The following TENM4 variants were observed in gnomAD, a reference collection of about 807,000 sequenced individuals.
The protein encoded by TENM4 is teneurin transmembrane protein 4.
TENM4 carries 82 observed loss-of-function variants against 243.3 expected under a neutral mutation model. The ratio of observed to expected loss-of-function variants is 0.34; its 90% CI spans 0.28 to 0.40. The LOEUF is 0.40. Ranked by LOEUF, TENM4 falls within the 10% of genes least tolerant of loss-of-function variation. The probability of loss-of-function intolerance (pLI) is 1.00; values close to 1 mark genes in which losing one functional copy is unlikely to be tolerated. For missense variants in TENM4, 3,138 were observed against 3,673.3 expected, an observed-to-expected ratio of 0.85 and a Z score of 3.77; for synonymous variants, 1,412 against 1,456.3, an observed-to-expected ratio of 0.97 and a Z score of 0.69.
chr11:78,770,817 A>G (rs888211423), intron 18 of TENM4, among the ~76,000 whole-genome samples, 175 bp downstream of exon 18: 1 of 152,204 alleles, frequency 6.6e-6, no homozygotes, highest in African/African-American at 2.4e-5. Flanking sequence ...CAAATGGAAC[A>G]CCTGTGATAT....
chr11:79,382,421 C>T (rs890204183), intron 1 of TENM4, among the ~76,000 whole-genome samples: 1 of 152,192 alleles, frequency 6.6e-6, no homozygotes, highest in Non-Finnish European at 1.5e-5. Context: ...TACTTATGTA[C>T]ATGCCACTCT....
chr11:78,978,736 A>G (rs73502658), intron 6 of TENM4, among the ~76,000 whole-genome samples: 3,974 of 151,920 alleles, frequency 0.026, 96 homozygotes, highest in African/African-American at 0.063. Flanking sequence ...TAACCAAAAA[A>G]GCTTATCTGG....
intron 2 of TENM4, among the ~76,000 whole-genome samples, chr11:79,261,860 G>A (rs947694860): frequency 6.6e-6 from 1 of 152,146 alleles, no homozygotes; most frequent in Non-Finnish European, 1.5e-5. Flanking sequence ...TCCAAAGAAA[G>A]ATGTTATGCT....
intron 6 of TENM4, among the ~76,000 whole-genome samples, chr11:79,032,749 C>T (rs1859279357): frequency 1.3e-5 from 2 of 152,158 alleles, no homozygotes; most frequent in South Asian, 4.1e-4. Flanking sequence ...CAAAGAACAA[C>T]ATGACTTTAA....
intron 6 of TENM4, among the ~76,000 whole-genome samples, chr11:79,061,387 C>A (rs1253830145): frequency 6.6e-6 from 1 of 152,152 alleles, no homozygotes; most frequent in African/African-American, 2.4e-5. Flanking sequence ...CATCTGCCTA[C>A]CTCCTCTGCC....
intron 15 of TENM4, among the ~76,000 whole-genome samples, chr11:78,797,550 A>G (rs989749734): frequency 2.0e-5 from 3 of 152,226 alleles, no homozygotes; most frequent in Non-Finnish European, 4.4e-5. Flanking sequence ...TAAATTACAA[A>G]TCTGCCAGCT....
intron 1 of TENM4, among the ~76,000 whole-genome samples, chr11:79,314,888 C>T (rs767078722): frequency 6.6e-6 from 1 of 152,178 alleles, no homozygotes; most frequent in African/African-American, 2.4e-5. Context: ...CTGTGTGAGG[C>T]CTGGGTTTCA....
At chr11:79,056,356 G>C (rs1303018914) in intron 6 of TENM4, among the ~76,000 whole-genome samples, 1 of 152,050 alleles carries the variant, frequency 6.6e-6, no homozygotes, top group Non-Finnish European at 1.5e-5. Context: ...GAAGCAAGGT[G>C]CTGTTGTGTT....
intron 3 of TENM4, among the ~76,000 whole-genome samples, chr11:79,203,740 G>A (rs956538906): frequency 1.3e-5 from 2 of 152,136 alleles, no homozygotes; most frequent in Non-Finnish European, 2.9e-5. Flanking sequence ...ATCTGCAGTT[G>A]GTTGAATTCA....
chr11:78,938,369 C>A (rs1856828752), intron 6 of TENM4, among the ~76,000 whole-genome samples: 1 of 152,240 alleles, frequency 6.6e-6, no homozygotes, highest in East Asian at 1.9e-4. Context: ...TAACATCCAG[C>A]CTTTTCCAAA....
chr11:78,927,755 C>T (rs1442721535), intron 6 of TENM4, among the ~76,000 whole-genome samples: 2 of 152,194 alleles, frequency 1.3e-5, no homozygotes, highest in Non-Finnish European at 2.9e-5. Context: ...TCCTTCAAGT[C>T]AGGAACCATG....
At chr11:78,936,837 G>T (rs1856796551) in intron 6 of TENM4, among the ~76,000 whole-genome samples, 1 of 152,162 alleles carries the variant, frequency 6.6e-6, no homozygotes, top group South Asian at 2.1e-4. Flanking sequence ...GGTGGGGAAG[G>T]AGGAGAGGCT....
intron 3 of TENM4, among the ~76,000 whole-genome samples, chr11:79,155,512 C>T (rs1206977696): frequency 1.3e-5 from 2 of 152,104 alleles, no homozygotes; most frequent in Non-Finnish European, 2.9e-5. Context: ...AAGATAGACT[C>T]CAGAGTGCTC....
intron 6 of TENM4, among the ~76,000 whole-genome samples, chr11:78,914,930 G>A (rs1310600460): frequency 6.6e-6 from 1 of 152,176 alleles, no homozygotes; most frequent in Non-Finnish European, 1.5e-5. Context: ...CAATTCAGTG[G>A]CTATCCATCA....
At chr11:78,924,635 A>G (rs1404748920) in intron 6 of TENM4, 1 of 152,194 alleles carries the variant, frequency 6.6e-6, no homozygotes, top group Non-Finnish European at 1.5e-5. Flanking sequence ...TGCCTGGCAC[A>G]TAGCAGGGGT....
intron 6 of TENM4, among the ~76,000 whole-genome samples, chr11:78,906,152 G>C (rs937193698): frequency 1.3e-5 from 2 of 152,248 alleles, no homozygotes; most frequent in African/African-American, 4.8e-5. Context: ...TATAGTTTCT[G>C]CTATGTATTG....
intron 4 of TENM4, among the ~76,000 whole-genome samples, chr11:79,133,444 T>C (rs1284085722): frequency 6.6e-6 from 1 of 152,046 alleles, no homozygotes; most frequent in African/African-American, 2.4e-5. Flanking sequence ...TAGGTACCAA[T>C]CCTTTTGACA....
At chr11:78,696,117 C>A (rs1289355982) in intron 28 of TENM4, among the ~76,000 whole-genome samples, 1 of 151,814 alleles carries the variant, frequency 6.6e-6, no homozygotes. Context: ...TGGGTAATTT[C>A]TATTAACCAT....
At chr11:78,714,040 T>G (rs1215056232) in intron 25 of TENM4, among the ~76,000 whole-genome samples, 1 of 152,140 alleles carries the variant, frequency 6.6e-6, no homozygotes, top group Non-Finnish European at 1.5e-5. Context: ...CCATTTTCAT[T>G]GCACAGTGAG....
Sources: allele counts gnomAD v4.1 joint callset (sites outside exome capture counted in the v4.1 genomes callset), GRCh38; gene constraint gnomAD v4.1.1; transcripts MANE v1.5; gene names NCBI Gene and HGNC (gene_info 2026-07-23, HGNC 2026-07-21).